Variants in FGF18 observed in about 807,000 individuals in gnomAD.
FGF18 encodes fibroblast growth factor 18.
Under a neutral mutation model 23.0 loss-of-function variants are expected in FGF18, and 5 were observed. That is an observed-to-expected ratio of 0.22 (90% confidence interval 0.11 to 0.46). FGF18 has a LOEUF of 0.46. FGF18 is among the 20% of genes least tolerant of loss of function. The pLI is 0.99. For synonymous variants in FGF18, 117 were observed against 118.9 expected (o/e 0.98, Z 0.10); for missense variants, 180 against 291.6 (o/e 0.62, Z 2.79).
Position 171,420,173 on chromosome 5 carries a change from G to T in FGF18, c.-27G>T, listed in dbSNP as rs1346252892. ...AGCGGACATGTGCAGGCTGGGCTAG[G>T]AGCCGCCGCCTCCCTCCCGCCCAGC... On this transcript the variant is annotated 5_prime_UTR_variant, in exon 1 of 5. Transcript: ENST00000274625. 20 of 1,536,102 alleles carry T rather than the reference G, an allele frequency of 1.3e-5. No homozygotes were observed. The highest frequency in any genetic ancestry group is 1.6e-5 in the Non-Finnish European group (18 of 1,146,160).
chr5:171,432,682 G>C (rs148511414), intron 2 of FGF18, among the ~76,000 whole-genome samples: 1 of 152,142 alleles, frequency 6.6e-6, no homozygotes, highest in African/African-American at 2.4e-5. Context: ...CGCCCACCTC[G>C]GCCTTCCAAA....
chr5:171,433,191 G>A (rs1413450307), intron 2 of FGF18, among the ~76,000 whole-genome samples: 1 of 152,210 alleles, frequency 6.6e-6, no homozygotes, highest in African/African-American at 2.4e-5. Flanking sequence ...AAGATGGATT[G>A]TTCCCTCCCG....
chr5:171,426,829 C>G (rs1387112833), intron 2 of FGF18, among the ~76,000 whole-genome samples: 1 of 152,236 alleles, frequency 6.6e-6, no homozygotes, highest in Non-Finnish European at 1.5e-5. Context: ...CCTGGCTGTG[C>G]TTCTTGGCAG....
At chr5:171,448,800 G>A (rs1209097562) in intron 3 of FGF18, among the ~76,000 whole-genome samples, 2 of 152,102 alleles carry the variant, frequency 1.3e-5, no homozygotes, top group Non-Finnish European at 2.9e-5. Context: ...TAGGGAAGGT[G>A]GGTGACGATG....
chr5:171,421,630 C>G (rs1304529361), intron 2 of FGF18, among the ~76,000 whole-genome samples: 10 of 152,194 alleles, frequency 6.6e-5, no homozygotes, highest in Non-Finnish European at 1.5e-4. Flanking sequence ...TCAACAGCCA[C>G]TCGCAGTGTT....
At chr5:171,430,514 C>T (rs1211548155) in intron 2 of FGF18, among the ~76,000 whole-genome samples, 7 of 144,588 alleles carry the variant, frequency 4.8e-5, no homozygotes, top group South Asian at 2.1e-4. Context: ...GAGGGCCGGG[C>T]GCGGTGGCTC....
chr5:171,443,500 C>CCTTTTTTTTT (rs766926286), intron 3 of FGF18, among the ~76,000 whole-genome samples: 1 of 70,416 alleles, frequency 1.4e-5, no homozygotes, highest in African/African-American at 4.2e-5. Context: ...CTGTTATCAT[C>CCTTTTTTTTT]ATTTTTTTTT....
At chr5:171,443,973 C>G (rs1772383589) in intron 3 of FGF18, among the ~76,000 whole-genome samples, 1 of 151,938 alleles carries the variant, frequency 6.6e-6, no homozygotes, top group African/African-American at 2.4e-5. Context: ...TTTCATGCAG[C>G]CTTTTCTCCT....
At chr5:171,454,329 A>G (rs896444474) in intron 4 of FGF18, among the ~76,000 whole-genome samples, 2 of 152,026 alleles carry the variant, frequency 1.3e-5, no homozygotes, top group African/African-American at 4.8e-5. Flanking sequence ...TGCTCCAACT[A>G]TTTGGTTGAG....
At chr5:171,454,691 C>A (rs1018947070) in intron 4 of FGF18, among the ~76,000 whole-genome samples, 1 of 152,246 alleles carries the variant, frequency 6.6e-6, no homozygotes, top group African/African-American at 2.4e-5. Context: ...TTTTCCACTT[C>A]AAACAAAAGG....
chr5:171,447,808 T>C (rs1772440877), intron 3 of FGF18, among the ~76,000 whole-genome samples: 1 of 152,190 alleles, frequency 6.6e-6, no homozygotes, highest in Non-Finnish European at 1.5e-5. Flanking sequence ...TTTGGGGCTA[T>C]GATTTTTGTT....
chr5:171,454,548 CCT>C (rs1241608203), intron 4 of FGF18, among the ~76,000 whole-genome samples: 4 of 152,212 alleles, frequency 2.6e-5, no homozygotes, highest in Non-Finnish European at 2.9e-5. Flanking sequence ...TCTGCAGCCT[CCT>C]CGAAAGATCT....
intron 2 of FGF18, among the ~76,000 whole-genome samples, chr5:171,428,120 G>T (rs775714569): frequency 6.6e-6 from 1 of 152,196 alleles, no homozygotes; most frequent in Non-Finnish European, 1.5e-5. Context: ...GTGTCTCAAG[G>T]CCGGATTGTC....
Position 171,420,105 on chromosome 5 carries a change from G to A in FGF18, c.-95G>A. ...GGAGGGAGCAGCAGCAGCGGCGGCG[G>A]CGGCGGCGGCGGCGGCGGAGGCGCC... On this transcript the variant is annotated 5_prime_UTR_variant, in exon 1 of 5. Coordinates refer to ENST00000274625, the MANE Select transcript of FGF18 (RefSeq NM_003862.3). 1 of 1,057,060 alleles carries A rather than the reference G, an allele frequency of 9.5e-7. No individual in the cohort carries two copies. Among genetic ancestry groups the A allele is most frequent in the East Asian group, 3.3e-5 (1 of 30,028 alleles). The allele number at this position is 1,057,060 out of a possible 1,614,324, so 65.5% of individuals were successfully genotyped here. A position where few individuals can be genotyped will look rare whatever the true frequency, so the allele number is the denominator to read the frequency against.
At chr5:171,453,485 A>T (rs1772544000) in intron 4 of FGF18, among the ~76,000 whole-genome samples, 1 of 152,070 alleles carries the variant, frequency 6.6e-6, no homozygotes, top group Non-Finnish European at 1.5e-5. Context: ...AGATGTTTTG[A>T]TGGGCAGCAC....
chr5:171,450,578 C>T (rs1772483743), intron 4 of FGF18, among the ~76,000 whole-genome samples: 1 of 152,234 alleles, frequency 6.6e-6, no homozygotes, highest in African/African-American at 2.4e-5. Flanking sequence ...AGATTCCAGC[C>T]GCACTGCCCA....
At chr5:171,421,164 C>A (rs969008720) in intron 2 of FGF18, among the ~76,000 whole-genome samples, 16 of 152,090 alleles carry the variant, frequency 1.1e-4, no homozygotes, top group Non-Finnish European at 2.1e-4. Flanking sequence ...ACTTCAGCAG[C>A]TTTCAGACTC....
chr5:171,449,400 TGAGAGAGAGA>T (rs112415649), intron 4 of FGF18, 147 bp downstream of exon 4: 3 of 363,244 alleles, frequency 8.3e-6, no homozygotes, highest in Admixed American at 3.3e-5. Flanking sequence ...TGTGTGTGTG[TGAGAGAGAGA>T]GAGAGAGAGA....
At chr5:171,423,728 C>G (rs1396408886) in intron 2 of FGF18, among the ~76,000 whole-genome samples, 1 of 150,852 alleles carries the variant, frequency 6.6e-6, no homozygotes, top group Non-Finnish European at 1.5e-5. Context: ...GAGACAGTGT[C>G]CTTTGGTGCA....
Sources: gnomAD v4.1 joint callset for allele counts (sites outside exome capture counted in the v4.1 genomes callset) on GRCh38, gnomAD v4.1.1 for gene constraint, MANE v1.5 for transcripts, NCBI Gene and HGNC (gene_info 2026-07-23, HGNC 2026-07-21) for gene names.